The following C3orf52 variants were observed in gnomAD, a reference collection of about 807,000 sequenced individuals.
The protein encoded by C3orf52 is chromosome 3 open reading frame 52.
C3orf52 carries 22 observed loss-of-function variants against 24.8 expected under a neutral mutation model. The ratio of observed to expected loss-of-function variants is 0.89; its 90% confidence interval spans 0.63 to 1.27. C3orf52 has a LOEUF of 1.27. Among genes scored for constraint, C3orf52 ranks in the 50% most tolerant of loss-of-function variants. C3orf52 has a pLI of 0.00. For missense variants in C3orf52, 265 were observed against 260.7 expected (o/e 1.02, Z -0.11); for synonymous variants, 93 against 100.2 (o/e 0.93, Z 0.43).
At chr3:112,105,544 G>C in intron 3 of C3orf52, among the ~76,000 whole-genome samples, 1 of 13,314 alleles carries the variant, frequency 7.5e-5, no homozygotes, top group South Asian at 2.4e-3. Flanking sequence ...TTGGCCGTGT[G>C]TGTGTGTGTG....
chr3:112,114,404 TAAAA>T (rs34730547), intron 5 of C3orf52, among the ~76,000 whole-genome samples: 3 of 122,260 alleles, frequency 2.5e-5, no homozygotes, highest in African/African-American at 3.0e-5. Flanking sequence ...TTACAGGAAT[TAAAA>T]AAAAAAAAAA....
chr3:112,128,324 G>A (rs2074376841), exon 5 of C3orf52: 6 of 625,352 alleles, frequency 9.6e-6, no homozygotes, highest in Non-Finnish European at 5.9e-6. Flanking sequence ...TCTCAATTCT[G>A]GTAATTTCCT....
downstream of C3orf52, chr3:112,119,683 C>T: frequency 1.7e-6 from 1 of 584,052 alleles, no homozygotes; most frequent in Non-Finnish European, 3.0e-6. Context: ...CTTCTCCTCT[C>T]CCATCACTCT....
intron 4 of C3orf52, among the ~76,000 whole-genome samples, chr3:112,126,594 G>A (rs1359022303): frequency 1.3e-5 from 2 of 152,156 alleles, no homozygotes; most frequent in African/African-American, 4.8e-5. Context: ...TCCCCACTGT[G>A]TAAAGCCAGT....
chr3:112,095,117 C>A (rs889721176), intron 2 of C3orf52, among the ~76,000 whole-genome samples: 2 of 152,208 alleles, frequency 1.3e-5, no homozygotes, highest in African/African-American at 4.8e-5. Context: ...CCTGGCCAGG[C>A]ACCATATCTA....
chr3:112,105,006 G>GA, intron 3 of C3orf52, among the ~76,000 whole-genome samples: 1 of 152,288 alleles, frequency 6.6e-6, no homozygotes, highest in South Asian at 2.1e-4. Context: ...TTGCATAGTA[G>GA]ACTGTCTATT....
At chr3:112,114,326 CT>C (rs1239100506) in intron 5 of C3orf52, among the ~76,000 whole-genome samples, 10 of 151,412 alleles carry the variant, frequency 6.6e-5, no homozygotes, top group African/African-American at 2.4e-4. Flanking sequence ...ACAGAGCATC[CT>C]GAATAAAGTG....
At chr3:112,135,584 T>G (rs977087578), downstream of C3orf52, among the ~76,000 whole-genome samples, 1 of 151,656 alleles carries the variant, frequency 6.6e-6, no homozygotes, top group Non-Finnish European at 1.5e-5. Flanking sequence ...GATTTTATTA[T>G]AAAAGATAAG....
downstream of C3orf52, among the ~76,000 whole-genome samples, chr3:112,131,381 TG>T (rs1167452644): frequency 6.6e-6 from 1 of 152,068 alleles, no homozygotes; most frequent in Non-Finnish European, 1.5e-5. Context: ...GAGACACGGT[TG>T]GGGGGGTATG....
At chr3:112,126,928 A>T (rs1256940900) in intron 4 of C3orf52, 5 of 1,108,058 alleles carry the variant, frequency 4.5e-6, no homozygotes, top group African/African-American at 1.6e-5. Context: ...ATAGAGAAGA[A>T]GTAGTTTGGA....
chr3:112,093,610 C>A (rs2073899353), intron 2 of C3orf52, 121 bp downstream of exon 2: 4 of 986,454 alleles, frequency 4.1e-6, no homozygotes, highest in Admixed American at 5.1e-5. Flanking sequence ...GAATTTAAGA[C>A]CGGCTTGGAA....
intron 2 of C3orf52, among the ~76,000 whole-genome samples, chr3:112,099,380 C>T (rs767750384): frequency 7.2e-5 from 11 of 152,256 alleles, no homozygotes; most frequent in Non-Finnish European, 1.3e-4. Flanking sequence ...CATCTTTTCC[C>T]CATTCACTCA....
At chr3:112,125,350 G>A (rs1003330795) in intron 4 of C3orf52, 1 of 836,174 alleles carries the variant, frequency 1.2e-6, no homozygotes, top group Admixed American at 1.8e-5. Flanking sequence ...AAAAAGCCAA[G>A]AAACAGCTGG....
At position 112,102,850 on chromosome 3, in the gene C3orf52, A is replaced by T. The variant is rs760391515; in HGVS notation, c.281A>T (p.Asp94Val). 3.2e-6 allele frequency: 5 copies of T among 1,566,290 alleles called. No individual in the cohort carries two copies. The highest frequency in any genetic ancestry group is 3.8e-5 in the Admixed American group (2 of 52,378). The change falls in exon 3 of 6, where the codon GAT (aspartate) becomes GTT (valine). Residue 94 changes from aspartate (D) to valine (V), a missense_variant. Transcript: ENST00000264848. ...CTACTTTCTTTAGTAACTTATGTTGATGAAGATGAAAATGAAATACTTGAA... is the reference window on the plus strand; with the variant it reads ...CTACTTTCTTTAGTAACTTATGTTGTTGAAGATGAAAATGAAATACTTGAA... ...GLCLAAVTYV[D>V]EDENEILELS...
chr3:112,128,387 A>G (rs2074378281), exon 5 of C3orf52: 3 of 460,850 alleles, frequency 6.5e-6, no homozygotes, highest in Non-Finnish European at 1.2e-5. Flanking sequence ...AAATCAAGGT[A>G]CAAGTGTATG....
At chr3:112,125,171 G>A in intron 4 of C3orf52, 1 of 1,127,762 alleles carries the variant, frequency 8.9e-7, no homozygotes, top group Non-Finnish European at 1.4e-6. Flanking sequence ...TGCCATTTAG[G>A]GTGTCTGTAC....
intron 4 of C3orf52, chr3:112,127,118 C>T (rs767913596): frequency 1.2e-5 from 10 of 850,698 alleles, no homozygotes; most frequent in Non-Finnish European, 1.7e-5. Flanking sequence ...TTACTTTTAA[C>T]TCTTTGTTAA....
chr3:112,095,784 G>A (rs755762820), intron 2 of C3orf52, among the ~76,000 whole-genome samples: 1 of 148,270 alleles, frequency 6.7e-6, no homozygotes, highest in East Asian at 1.9e-4. Context: ...TGTTAGACGT[G>A]GGGGTGGGGG....
chr3:112,123,755 G>T (rs1282460078), intron 4 of C3orf52: 5 of 1,612,856 alleles, frequency 3.1e-6, no homozygotes, highest in Non-Finnish European at 4.2e-6. Flanking sequence ...CCTCTGAGTA[G>T]GTCTGGTCAA....
Sources: allele counts gnomAD v4.1 joint callset (sites outside exome capture counted in the v4.1 genomes callset), GRCh38; gene constraint gnomAD v4.1.1; transcripts MANE v1.5; gene names NCBI Gene and HGNC (gene_info 2026-07-23, HGNC 2026-07-21).